The following ZFPM1 variants were observed in gnomAD, a reference collection of about 807,000 sequenced individuals.
The protein encoded by ZFPM1 is zinc finger protein, FOG family member 1.
ZFPM1 carries 28 observed loss-of-function variants against 46.3 expected under a neutral mutation model. The observed-to-expected ratio is 0.60, with a 90% CI of 0.45 to 0.83. The LOEUF (loss-of-function observed/expected upper bound fraction) is 0.83. Among genes scored for constraint, ZFPM1 ranks in the 40% least tolerant of loss-of-function variants. The pLI is 0.00. For missense variants in ZFPM1, 1,878 were observed against 1,432.4 expected (o/e 1.31, Z -5.02); for synonymous variants, 957 against 675.9 (o/e 1.42, Z -6.45).
chr16:88,473,997 G>A (rs367696590), intron 1 of ZFPM1, among the ~76,000 whole-genome samples: 3 of 152,244 alleles, frequency 2.0e-5, no homozygotes, highest in Non-Finnish European at 2.9e-5. Flanking sequence ...TCGGAGGGCC[G>A]GGAGTGGCCG....
chr16:88,494,186 G>A lies in ZFPM1; in HGVS notation c.268+5033G>A, dbSNP rs1052456316. Among the ~76,000 whole-genome samples the A allele has an allele frequency of 4.6e-5, 7 of 152,144 alleles. No individual in the cohort carries two copies. In the South Asian group the frequency reaches 6.2e-4, roughly 14 times the overall value. On this transcript the variant is annotated intron_variant, in intron 3 of 9. Transcript: ENST00000319555. The stretch of plus-strand genomic sequence containing the variant: ...TGGGTTATCTCGGATTGGGGGGTGC[G>A]GGCAGGTTCTACGGGGAGAAGCCGC...
intron 1 of ZFPM1, among the ~76,000 whole-genome samples, chr16:88,475,259 C>T (rs1002824318): frequency 1.3e-5 from 2 of 152,174 alleles, no homozygotes; most frequent in Non-Finnish European, 2.9e-5. Flanking sequence ...GGGCACCTGG[C>T]AGGGCCCAGG....
chr16:88,520,595 TGAGTG>T (rs1567550062), intron 4 of ZFPM1, among the ~76,000 whole-genome samples: 2 of 61,936 alleles, frequency 3.2e-5, no homozygotes, highest in African/African-American at 1.1e-4. Flanking sequence ...GATGGGAGGG[TGAGTG>T]GGTGGATGGA....
At chr16:88,494,720 C>T (rs558974002) in intron 3 of ZFPM1, among the ~76,000 whole-genome samples, 18 of 152,018 alleles carry the variant, frequency 1.2e-4, no homozygotes, top group African/African-American at 3.9e-4. Flanking sequence ...GAGTGCGGCC[C>T]GGTCACTGGG....
intron 1 of ZFPM1, among the ~76,000 whole-genome samples, chr16:88,455,132 G>GGGGTGTGTGTGTGTGTGTGT (rs1181672760): frequency 7.1e-6 from 1 of 141,674 alleles, no homozygotes; most frequent in African/African-American, 2.7e-5. Flanking sequence ...TCGGTTCTGG[G>GGGGTGTGTGTGTGTGTGTGT]GTGTGTGTGT....
Position 88,489,280 on chromosome 16 carries a change from T to A in ZFPM1, c.268+127T>A. 3 of 1,390,682 alleles carry A rather than the reference T, an allele frequency of 2.2e-6. No homozygotes were observed. In the South Asian group the frequency reaches 4.5e-5, roughly 21 times the overall value. 86.1% of individuals were successfully genotyped at this position (1,390,682 alleles called of 1,614,324 possible). A position where few individuals can be genotyped will look rare whatever the true frequency, so the allele number is the denominator to read the frequency against. On this transcript the variant is annotated intron_variant, in intron 3 of 9. Transcript: ENST00000319555. ...GCTGGAGACCCACCAGGCCCAGGCC[T>A]GTGCCTAGTCCAAAGCTCAGCCAAC...
At chr16:88,517,696 G>A (rs1911432998) in intron 4 of ZFPM1, among the ~76,000 whole-genome samples, 1 of 151,062 alleles carries the variant, frequency 6.6e-6, no homozygotes, top group Admixed American at 6.6e-5. Context: ...ATAGATGTAT[G>A]GGTGGATGGA....
intron 1 of ZFPM1, among the ~76,000 whole-genome samples, chr16:88,454,267 G>C (rs1026005538): frequency 6.6e-6 from 1 of 152,164 alleles, no homozygotes; most frequent in African/African-American, 2.4e-5. Flanking sequence ...GGACAGGGGA[G>C]GGGGTAGCGC....
upstream of ZFPM1, among the ~76,000 whole-genome samples, chr16:88,452,854 C>T (rs537415023): frequency 1.1e-4 from 17 of 152,284 alleles, 1 homozygote; most frequent in South Asian, 3.3e-3. Context: ...CGCGGGGCAG[C>T]AGAACAGAAC....
chr16:88,527,556 G>A (rs1028853979), intron 5 of ZFPM1, among the ~76,000 whole-genome samples: 1 of 152,136 alleles, frequency 6.6e-6, no homozygotes, highest in Non-Finnish European at 1.5e-5. Flanking sequence ...CGGCACCGCA[G>A]GGGACACACA....
chr16:88,514,573 T>A, intron 4 of ZFPM1, 53 bp downstream of exon 4: 1 of 1,352,986 alleles, frequency 7.4e-7, no homozygotes, highest in Non-Finnish European at 9.7e-7. Context: ...CAGGGCAACA[T>A]GGACCCAGGG....
At position 88,480,378 on chromosome 16, in the gene ZFPM1, GGAA is replaced by G. The variant is rs1415928022; in HGVS notation, c.41-5556_41-5554del. Among the ~76,000 whole-genome samples the G allele has an allele frequency of 2.6e-5, 4 of 152,208 alleles. No homozygotes were observed. The highest frequency in any genetic ancestry group is 4.8e-5 in the African/African-American group (2 of 41,454). On this transcript the variant is annotated intron_variant, in intron 1 of 9. Transcript: ENST00000319555. The surrounding 1 kb of genome is among the most constrained non-coding windows in gnomAD (Gnocchi z 4.9). ...GAAAGGAGCCAGCGAAAGCGAAGGA[GGAA>G]GAAGTGAGTGTGTGAGGGGACGGGT...
At chr16:88,516,424 C>T in intron 4 of ZFPM1, 1 of 397,866 alleles carries the variant, frequency 2.5e-6, no homozygotes, top group Non-Finnish European at 4.4e-6. Flanking sequence ...TCTGGGGGCA[C>T]AAGGGGAGCC....
intron 5 of ZFPM1, among the ~76,000 whole-genome samples, chr16:88,527,370 C>T (rs1049030607): frequency 6.6e-6 from 1 of 152,190 alleles, no homozygotes; most frequent in African/African-American, 2.4e-5. Context: ...GGGGCCTTGC[C>T]GTGCTGCTGC....
chr16:88,463,020 G>A (rs1907970099), intron 1 of ZFPM1, among the ~76,000 whole-genome samples: 1 of 152,160 alleles, frequency 6.6e-6, no homozygotes, highest in Non-Finnish European at 1.5e-5. Flanking sequence ...GTCACGGCTG[G>A]CCTTGCGTGG....
At chr16:88,500,214 C>A (rs1216637598) in intron 3 of ZFPM1, among the ~76,000 whole-genome samples, 13 of 151,750 alleles carry the variant, frequency 8.6e-5, no homozygotes, top group Non-Finnish European at 2.9e-5. Flanking sequence ...CCACCAGAGT[C>A]ACCTGGGCGA....
chr16:88,467,658 C>T (rs988323411), intron 1 of ZFPM1, among the ~76,000 whole-genome samples: 1 of 152,206 alleles, frequency 6.6e-6, no homozygotes, highest in Non-Finnish European at 1.5e-5. Context: ...CCCCTCCCTC[C>T]TCCAGTCACG....
intron 1 of ZFPM1, among the ~76,000 whole-genome samples, chr16:88,463,244 A>G (rs1400097193): frequency 6.6e-6 from 1 of 152,220 alleles, no homozygotes; most frequent in African/African-American, 2.4e-5. Context: ...ACAGGGCCTC[A>G]CGGTTGATGG....
intron 1 of ZFPM1, among the ~76,000 whole-genome samples, chr16:88,474,158 G>C (rs1397609093): frequency 6.6e-6 from 1 of 152,212 alleles, no homozygotes; most frequent in African/African-American, 2.4e-5. Context: ...CAGCCGGGCT[G>C]GGCTTTCTCA....
Sources: gnomAD v4.1 joint callset for allele counts (sites outside exome capture counted in the v4.1 genomes callset) on GRCh38, gnomAD v4.1.1 for gene constraint, Gnocchi (gnomAD v3.1) non-coding constraint, MANE v1.5 for transcripts, NCBI Gene and HGNC (gene_info 2026-07-23, HGNC 2026-07-21) for gene names.